Variants in EIF4G3 observed in about 807,000 individuals in gnomAD.
The protein encoded by EIF4G3 is eukaryotic translation initiation factor 4 gamma 3.
In EIF4G3, 34 loss-of-function variants were observed where a neutral mutation model predicts 186.4. That is an observed-to-expected ratio of 0.18 (90% CI 0.14 to 0.24). EIF4G3 has a LOEUF of 0.24. EIF4G3 is among the 10% of genes least tolerant of loss of function. EIF4G3 has a pLI of 1.00. For synonymous variants in EIF4G3, 673 were observed against 679.5 expected, an observed-to-expected ratio of 0.99 and a Z score of 0.15; for missense variants, 1,536 against 1,948.5, an observed-to-expected ratio of 0.79 and a Z score of 3.99.
chr1:21,089,339 C>A, intron 2 of EIF4G3, 126 bp from the exon 3 acceptor site: 6 of 603,086 alleles, frequency 9.9e-6, no homozygotes, highest in Non-Finnish European at 1.5e-5. Context: ...ATATACTTCT[C>A]CACTAAAACT....
chr1:21,039,560 G>A (rs2093438550), intron 4 of EIF4G3, among the ~76,000 whole-genome samples: 1 of 152,168 alleles, frequency 6.6e-6, no homozygotes, highest in African/African-American at 2.4e-5. Context: ...CTACTTGGGA[G>A]GATAAGCTGG....
chr1:20,851,740 A>C (rs1293909736), intron 27 of EIF4G3, among the ~76,000 whole-genome samples: 1 of 152,174 alleles, frequency 6.6e-6, no homozygotes, highest in Non-Finnish European at 1.5e-5. Context: ...AGTGGTGGCC[A>C]GGCATGGTGG....
At chr1:21,007,025 A>G (rs899558067) in intron 4 of EIF4G3, among the ~76,000 whole-genome samples, 1 of 152,202 alleles carries the variant, frequency 6.6e-6, no homozygotes, top group African/African-American at 2.4e-5. Context: ...TTCAGCCATA[A>G]AGATTAAACT....
intron 2 of EIF4G3, among the ~76,000 whole-genome samples, chr1:21,092,087 C>T (rs539468670): frequency 2.0e-5 from 3 of 152,154 alleles, no homozygotes; most frequent in Non-Finnish European, 4.4e-5. Flanking sequence ...AAAGGGAATG[C>T]TTCCAGTTTT....
chr1:20,845,523 A>G (rs562969747), intron 29 of EIF4G3, among the ~76,000 whole-genome samples: 197 of 152,148 alleles, frequency 1.3e-3, no homozygotes, highest in Admixed American at 4.0e-3. Flanking sequence ...TTAGCCGGGC[A>G]TGGTGGCGGG....
At chr1:20,865,083 G>C in intron 21 of EIF4G3, 33 bp downstream of exon 21, 4 of 1,612,824 alleles carry the variant, frequency 2.5e-6, no homozygotes, top group Non-Finnish European at 3.4e-6. Flanking sequence ...TGCTCAAAGT[G>C]TACAAGCACT....
intron 7 of EIF4G3, among the ~76,000 whole-genome samples, chr1:20,983,712 A>G (rs944098618): frequency 6.6e-6 from 1 of 152,224 alleles, no homozygotes; most frequent in Admixed American, 6.5e-5. Flanking sequence ...AATCAACTGT[A>G]GAGGGCAGCC....
intron 12 of EIF4G3, among the ~76,000 whole-genome samples, chr1:20,963,975 A>T (rs548990899): frequency 2.8e-4 from 42 of 151,860 alleles, no homozygotes; most frequent in African/African-American, 9.9e-4. Flanking sequence ...TCCACCATTC[A>T]TCCTATTTGG....
intron 4 of EIF4G3, among the ~76,000 whole-genome samples, chr1:21,019,813 G>A (rs2090220939): frequency 6.6e-6 from 1 of 152,182 alleles, no homozygotes; most frequent in Non-Finnish European, 1.5e-5. Context: ...GAACCCAGGA[G>A]GCAGAGCTTG....
At chr1:21,170,131 TGCCACTA>T (rs1356724593) in intron 2 of EIF4G3, among the ~76,000 whole-genome samples, 1 of 151,858 alleles carries the variant, frequency 6.6e-6, no homozygotes, top group Non-Finnish European at 1.5e-5. Flanking sequence ...ACTGAGATTG[TGCCACTA>T]GCACTCCAGC....
rs370901387 is a variant in EIF4G3 at position 21,136,222 on chromosome 1, G to GA, written c.-272+39952dup. ...AAAGAACACACTCCCTTGCCAAAGG[G>GA]AAAAAAAAAGAACAGGCTGGGCATG... On this transcript the variant is annotated intron_variant, in intron 2 of 36. Coordinates refer to ENST00000602326, the MANE Select transcript of EIF4G3 (RefSeq NM_001391906.1). Among the ~76,000 whole-genome samples the GA allele has an allele frequency of 6.9e-3, 1,011 of 146,440 alleles. 8 individuals carry two copies. Among genetic ancestry groups the GA allele is most frequent in the African/African-American group, 0.024 (967 of 39,682 alleles).
At chr1:21,127,897 A>T (rs2097078140) in intron 2 of EIF4G3, among the ~76,000 whole-genome samples, 2 of 152,076 alleles carry the variant, frequency 1.3e-5, no homozygotes, top group African/African-American at 4.8e-5. Flanking sequence ...AAATCCACTC[A>T]TGGAAATAAA....
intron 19 of EIF4G3, 95 bp downstream of exon 19, chr1:20,886,106 A>G: frequency 7.2e-7 from 1 of 1,392,664 alleles, no homozygotes; most frequent in Non-Finnish European, 9.8e-7. Context: ...AAAAGTCTTA[A>G]ACTGATTATC....
intron 2 of EIF4G3, chr1:21,167,907 T>C: frequency 3.1e-6 from 1 of 322,322 alleles, no homozygotes; most frequent in Non-Finnish European, 6.5e-6. Context: ...GTTTTAATCT[T>C]GCAAATAATG....
chr1:20,891,776 C>G (rs1339672916), intron 18 of EIF4G3, among the ~76,000 whole-genome samples: 1 of 148,964 alleles, frequency 6.7e-6, no homozygotes, highest in Non-Finnish European at 1.5e-5. Flanking sequence ...GGCGACAGAG[C>G]GACACTCTGT....
intron 4 of EIF4G3, among the ~76,000 whole-genome samples, chr1:21,050,567 ATC>A (rs2094151393): frequency 1.3e-5 from 2 of 152,234 alleles, no homozygotes; most frequent in Non-Finnish European, 2.9e-5. Flanking sequence ...CGAAAAGCAA[ATC>A]AGTGCTTTGT....
chr1:21,103,980 T>A (rs974468663), intron 2 of EIF4G3, among the ~76,000 whole-genome samples: 1 of 152,180 alleles, frequency 6.6e-6, no homozygotes, highest in Admixed American at 6.6e-5. Context: ...ATTTCTAACG[T>A]TATCCCTTAG....
At chr1:21,008,497 C>G (rs921743865) in intron 4 of EIF4G3, among the ~76,000 whole-genome samples, 2 of 151,978 alleles carry the variant, frequency 1.3e-5, no homozygotes, top group African/African-American at 4.8e-5. Context: ...CCACCACGCC[C>G]GGCTAATTTT....
In EIF4G3 at chr1:21,083,037, C is replaced by CAA. The variant is rs544781256; in HGVS notation, c.-196+6099_-196+6100dup. 4.1e-3 allele frequency among the ~76,000 whole-genome samples: 271 copies of CAA among 66,410 alleles called. 28 individuals carry two copies. The highest frequency in any genetic ancestry group is 0.018 in the African/African-American group (231 of 12,568). The allele number at this position is 66,410 out of a possible 152,430, so 43.6% of individuals were successfully genotyped here. A position where few individuals can be genotyped will look rare whatever the true frequency, so the allele number is the denominator to read the frequency against. ...TGGGAGACACAGCGAGACTCTGTCTCAAAAAAAAAAAAAAAAAAAAAAAAA... is the reference window on the plus strand; with the variant it reads ...TGGGAGACACAGCGAGACTCTGTCTCAAAAAAAAAAAAAAAAAAAAAAAAAAA... On this transcript the variant is annotated intron_variant, in intron 3 of 36. Coordinates refer to ENST00000602326, the MANE Select transcript of EIF4G3 (RefSeq NM_001391906.1).
Sources: allele counts gnomAD v4.1 joint callset (sites outside exome capture counted in the v4.1 genomes callset), GRCh38; gene constraint gnomAD v4.1.1; transcripts MANE v1.5; gene names NCBI Gene and HGNC (gene_info 2026-07-23, HGNC 2026-07-21).